PDE1A: variants seen among roughly 807,000 people sequenced by gnomAD.
PDE1A encodes dual specificity calcium/calmodulin-dependent 3',5'-cyclic nucleotide phosphodiesterase 1A.
Under a neutral mutation model 61.7 loss-of-function variants are expected in PDE1A, and 35 were observed. The ratio of observed to expected loss-of-function variants is 0.57; its 90% CI spans 0.43 to 0.75. The LOEUF is 0.75. PDE1A is among the 30% of genes least tolerant of loss of function. The probability of loss-of-function intolerance (pLI) is 0.00; values close to 1 mark genes in which losing one functional copy is unlikely to be tolerated. For synonymous variants in PDE1A, 232 were observed against 213.2 expected (o/e 1.09, Z -0.77); for missense variants, 597 against 630.6 (o/e 0.95, Z 0.57).
chr2:182,499,229 T>C (rs1205305903), intron 2 of PDE1A, among the ~76,000 whole-genome samples: 1 of 137,608 alleles, frequency 7.3e-6, no homozygotes, highest in African/African-American at 2.8e-5. Context: ...CAGGCTGGAG[T>C]GCAGTGGCGC....
intron 2 of PDE1A, among the ~76,000 whole-genome samples, chr2:182,478,128 CTT>C (rs754302252): frequency 6.6e-6 from 1 of 151,808 alleles, no homozygotes; most frequent in Non-Finnish European, 1.5e-5. Context: ...CATTGCTAAA[CTT>C]TTTTTGTTTC....
Position 182,167,933 on chromosome 2 carries a change from A to G in PDE1A, c.*314T>C, listed in dbSNP as rs1691746821. On this transcript the variant is annotated 3_prime_UTR_variant, in exon 14 of 14. Transcript: ENST00000351439. ...TATTGTAGAAATGACAAAATTAGCA[A>G]TTAGCTGCTCAAAGAAAATTTATTG... 3.5e-6 allele frequency: 4 copies of G among 1,133,638 alleles called. No individual in the cohort carries two copies. The African/African-American group carries it at 6.4e-5, about 18-fold the overall frequency. The allele number at this position is 1,133,638 out of a possible 1,614,324, so 70.2% of individuals were successfully genotyped here. A position where few individuals can be genotyped will look rare whatever the true frequency, so the allele number is the denominator to read the frequency against.
chr2:182,334,782 C>G (rs1274214912), intron 1 of PDE1A, among the ~76,000 whole-genome samples: 1 of 152,172 alleles, frequency 6.6e-6, no homozygotes, highest in African/African-American at 2.4e-5. Flanking sequence ...CCAGAGCAAT[C>G]AGGCAAGAGA....
At chr2:182,532,095 C>T in the PDE1A span, among the ~76,000 whole-genome samples, 1 of 134,572 alleles carries the variant, frequency 7.4e-6, no homozygotes, top group African/African-American at 2.5e-5. Context: ...ATGTATAAAT[C>T]TTAACACCAT....
At chr2:182,427,976 C>G (rs746190279), upstream of PDE1A, among the ~76,000 whole-genome samples, 43 of 152,128 alleles carry the variant, frequency 2.8e-4, no homozygotes, top group Non-Finnish European at 3.8e-4. Flanking sequence ...AAGGAGGATA[C>G]TATCTGTAGT....
At chr2:182,584,188 G>C in the PDE1A span, among the ~76,000 whole-genome samples, 3 of 147,458 alleles carry the variant, frequency 2.0e-5, no homozygotes, top group African/African-American at 7.6e-5. Context: ...GACTATCTCT[G>C]TTAGTTAAAA....
chr2:182,697,705 T>G, the PDE1A span, among the ~76,000 whole-genome samples: 2 of 152,234 alleles, frequency 1.3e-5, no homozygotes, highest in Non-Finnish European at 2.9e-5. Context: ...AACCCCAGCT[T>G]CTCTGCTATA....
At chr2:182,697,233 T>C in the PDE1A span, among the ~76,000 whole-genome samples, 1 of 152,128 alleles carries the variant, frequency 6.6e-6, no homozygotes, top group Non-Finnish European at 1.5e-5. Context: ...AACGGCACAA[T>C]GGAAGGAACA....
intron 2 of PDE1A, among the ~76,000 whole-genome samples, chr2:182,240,957 C>A (rs139090788): frequency 6.6e-6 from 1 of 151,942 alleles, no homozygotes; most frequent in African/African-American, 2.4e-5. Context: ...CAGGTGACCA[C>A]GGGGTGGAGC....
intron 1 of PDE1A, among the ~76,000 whole-genome samples, chr2:182,301,668 T>G (rs1183479258): frequency 6.6e-6 from 1 of 152,184 alleles, no homozygotes; most frequent in African/African-American, 2.4e-5. Flanking sequence ...ATAATCATAA[T>G]GATGAGAAAG....
the PDE1A span, among the ~76,000 whole-genome samples, chr2:182,632,343 T>A: frequency 1.3e-5 from 2 of 152,186 alleles, no homozygotes; most frequent in Admixed American, 6.5e-5. Flanking sequence ...TGTTTTACAA[T>A]CGTTCTATGT....
At chr2:182,699,308 C>T in the PDE1A span, among the ~76,000 whole-genome samples, 3 of 152,142 alleles carry the variant, frequency 2.0e-5, no homozygotes, top group Non-Finnish European at 4.4e-5. Context: ...TGGATACAAC[C>T]AGCTGATTGT....
intron 2 of PDE1A, among the ~76,000 whole-genome samples, chr2:182,458,729 A>C (rs1244662605): frequency 6.6e-6 from 1 of 152,122 alleles, no homozygotes; most frequent in African/African-American, 2.4e-5. Flanking sequence ...AATTATGCTT[A>C]TCTGAAGAGT....
intron 1 of PDE1A, among the ~76,000 whole-genome samples, chr2:182,394,893 T>C (rs570108177): frequency 6.6e-6 from 1 of 152,250 alleles, no homozygotes; most frequent in Admixed American, 6.5e-5. Context: ...ATCACATCCC[T>C]GGAGTGGCTG....
the PDE1A span, among the ~76,000 whole-genome samples, chr2:182,676,686 T>A: frequency 6.6e-6 from 1 of 152,128 alleles, no homozygotes; most frequent in Non-Finnish European, 1.5e-5. Context: ...TCCAGCCGAA[T>A]CCAGCAGCAC....
intron 2 of PDE1A, among the ~76,000 whole-genome samples, chr2:182,487,530 A>G (rs529420617): frequency 6.6e-6 from 1 of 152,338 alleles, no homozygotes; most frequent in Admixed American, 6.5e-5. Flanking sequence ...TAATCAAAAT[A>G]TGACATCTAT....
At position 182,492,515 on chromosome 2, in the gene PDE1A, T is replaced by G. The variant is rs1688454368; in HGVS notation, c.101+29761A>C. ...CATAAAATTTTTAGTAATAGCAAGATTCTATCAAACTTTCTGAAATTCTGA... is the reference window on the plus strand; with the variant it reads ...CATAAAATTTTTAGTAATAGCAAGAGTCTATCAAACTTTCTGAAATTCTGA... On this transcript the variant is annotated intron_variant, in intron 2 of 14. Transcript: ENST00000410103. Among the ~76,000 whole-genome samples the G allele has an allele frequency of 2.0e-5, 3 of 152,332 alleles. No homozygotes were observed. In the South Asian group the frequency reaches 6.2e-4, roughly 32 times the overall value.
chr2:182,447,337 G>A (rs1005858595), intron 2 of PDE1A, among the ~76,000 whole-genome samples: 9 of 151,958 alleles, frequency 5.9e-5, no homozygotes, highest in African/African-American at 2.2e-4. Context: ...AGAATCTACT[G>A]AGAGATTTTC....
intron 2 of PDE1A, among the ~76,000 whole-genome samples, chr2:182,440,373 G>A (rs1400509965): frequency 1.3e-5 from 2 of 151,984 alleles, no homozygotes; most frequent in African/African-American, 4.8e-5. Flanking sequence ...ATTCTGGGAC[G>A]CAATTATCAA....
Sources: allele counts gnomAD v4.1 joint callset (sites outside exome capture counted in the v4.1 genomes callset), GRCh38; gene constraint gnomAD v4.1.1; transcripts MANE v1.5; gene names NCBI Gene and HGNC (gene_info 2026-07-23, HGNC 2026-07-21).